PRKX: variants seen among roughly 807,000 people sequenced by gnomAD.
The protein encoded by PRKX is cAMP-dependent protein kinase catalytic subunit PRKX.
PRKX carries 12 observed loss-of-function variants against 22.0 expected under a neutral mutation model. The observed-to-expected ratio is 0.54, with a 90% confidence interval of 0.35 to 0.88. PRKX has a LOEUF of 0.88. Among genes scored for constraint, PRKX ranks in the 40% least tolerant of loss-of-function variants. The pLI is 0.01. For missense variants in PRKX, 217 were observed against 308.0 expected, an observed-to-expected ratio of 0.70 and a Z score of 2.21; for synonymous variants, 134 against 137.7, an observed-to-expected ratio of 0.97 and a Z score of 0.19.
intron 1 of PRKX, among the ~76,000 whole-genome samples, chrX:3,693,709 G>A (rs908592241): frequency 7.3e-5 from 8 of 109,520 alleles, no homozygotes; most frequent in Admixed American, 2.9e-4. Flanking sequence ...AGGCTGAGGC[G>A]GACGGATCAC....
intron 4 of PRKX, among the ~76,000 whole-genome samples, chrX:3,634,786 C>A (rs776305981): frequency 5.4e-5 from 6 of 112,004 alleles, no homozygotes; most frequent in African/African-American, 1.9e-4. Flanking sequence ...GACCTCCCAG[C>A]CTCAGTGATC....
rs1927912944 is a variant in PRKX, at chrX:3,674,683, C to T, written c.250G>A (p.Asp84Asn). 8.3e-7 allele frequency: 1 copy of T among 1,211,195 alleles called. No individual in the cohort carries two copies. The highest frequency in any genetic ancestry group is 3.0e-5 in the East Asian group (1 of 33,835). Reference protein sequence around the residue: ...FFALKVMSIPDVIRLKQEQHV... With the variant: ...FFALKVMSIPNVIRLKQEQHV... ...TGCTCCTGCTTTAGGCGGATGACGT[C>T]GGGAATGCTCATCACCTTGAGGGCG... The change falls in exon 2 of 9, where the codon GAC becomes AAC. Residue 84 changes from aspartate (D) to asparagine (N), a missense_variant. Physicochemically the swap from Asp to Asn is conservative, Grantham distance 23. Coordinates refer to ENST00000262848, the MANE Select transcript of PRKX (RefSeq NM_005044.5).
intron 1 of PRKX, among the ~76,000 whole-genome samples, chrX:3,677,223 G>T (rs1254899440): frequency 9.0e-6 from 1 of 110,709 alleles, no homozygotes; most frequent in Admixed American, 9.7e-5. Context: ...TAACAATACT[G>T]AACTGATAAA....
chrX:3,632,042 A>T (rs1354581285), intron 4 of PRKX, among the ~76,000 whole-genome samples: 1 of 112,009 alleles, frequency 8.9e-6, no homozygotes, highest in Admixed American at 9.5e-5. Context: ...AAGTACAAAA[A>T]TGGAAATCAA....
chrX:3,697,973 C>T (rs1360634280), intron 1 of PRKX, among the ~76,000 whole-genome samples: 1 of 111,738 alleles, frequency 8.9e-6, no homozygotes, highest in Non-Finnish European at 1.9e-5. Flanking sequence ...GGAGCACACA[C>T]AGGTCTACCC....
chrX:3,605,925 G>A lies in PRKX; in HGVS notation c.*3044C>T, dbSNP rs999182239. The A allele has an allele frequency of 9.8e-5, 11 of 112,227 alleles. No homozygotes were observed. The highest frequency in any genetic ancestry group is 3.8e-5 in the Non-Finnish European group (2 of 53,301). 9.2% of individuals were successfully genotyped at this position (112,227 alleles called of 1,213,427 possible). On this transcript the variant is annotated 3_prime_UTR_variant, in exon 9 of 9. Transcript: ENST00000262848. Reference sequence around the variant, plus strand: ...ATATGTTTAGGCTAAGCAGGATTTAGACTTCTGTTGCGAAGGAATTAGAAG... The same window carrying A: ...ATATGTTTAGGCTAAGCAGGATTTAAACTTCTGTTGCGAAGGAATTAGAAG...
At chrX:3,616,244 T>C (rs1355641961) in intron 6 of PRKX, among the ~76,000 whole-genome samples, 1 of 111,590 alleles carries the variant, frequency 9.0e-6, no homozygotes. Flanking sequence ...CTTGGCAAAC[T>C]TACTCAGTAT....
chrX:3,610,412 G>A (rs779928758), intron 8 of PRKX, among the ~76,000 whole-genome samples: 11 of 111,164 alleles, frequency 9.9e-5, no homozygotes, highest in Non-Finnish European at 7.5e-5. Flanking sequence ...AACCCAGGAG[G>A]CGGAGGTTGC....
At chrX:3,649,998 G>A (rs1927284891) in intron 3 of PRKX, among the ~76,000 whole-genome samples, 2 of 109,699 alleles carry the variant, frequency 1.8e-5, no homozygotes, top group Admixed American at 1.9e-4. Flanking sequence ...AAATTAGCCA[G>A]GCAGGGTGTG....
chrX:3,674,383 C>T (rs1443787419), intron 2 of PRKX, among the ~76,000 whole-genome samples: 2 of 111,619 alleles, frequency 1.8e-5, no homozygotes, highest in African/African-American at 6.5e-5. Flanking sequence ...GAACACAGAG[C>T]GTTTCTTTTT....
At position 3,612,191 on chromosome X, in the gene PRKX, C is replaced by T. The variant is rs754664396; in HGVS notation, c.*9G>A. The T allele has an allele frequency of 1.7e-6, 2 of 1,206,792 alleles. No individual in the cohort carries two copies. On this transcript the variant is annotated 3_prime_UTR_variant, in exon 8 of 9. Transcript: ENST00000262848. ...TAAAGATATACCTTCCAGATGTGAGCTCCTGTCCTCAGAAATTCTTGAAGA... is the reference window on the plus strand; with the variant it reads ...TAAAGATATACCTTCCAGATGTGAGTTCCTGTCCTCAGAAATTCTTGAAGA...
At chrX:3,636,303 G>A (rs1363044573) in intron 4 of PRKX, among the ~76,000 whole-genome samples, 3 of 112,629 alleles carry the variant, frequency 2.7e-5, no homozygotes, top group African/African-American at 9.7e-5. Context: ...ACTGCAGGCC[G>A]GCTCCACTTG....
At chrX:3,646,537 A>G (rs1228574338) in intron 3 of PRKX, among the ~76,000 whole-genome samples, 3 of 111,622 alleles carry the variant, frequency 2.7e-5, no homozygotes, top group African/African-American at 6.5e-5. Context: ...TTTTTATCAG[A>G]AAAGTATGAG....
chrX:3,652,516 G>A lies in PRKX; in HGVS notation c.599+2633C>T, dbSNP rs1350553116. Among the ~76,000 whole-genome samples the A allele has an allele frequency of 3.4e-4, 37 of 109,778 alleles. No individual in the cohort carries two copies. In the Admixed American group the frequency reaches 3.5e-3, roughly 10 times the overall value. ...GGAGAATCACTTGAATCTGGGAGGC[G>A]GAGGTTGCAGTGAGCCGAGATTGTG... On this transcript the variant is annotated intron_variant, in intron 3 of 8. Coordinates refer to ENST00000262848, the MANE Select transcript of PRKX (RefSeq NM_005044.5).
intron 2 of PRKX, among the ~76,000 whole-genome samples, chrX:3,655,725 T>C (rs1256916223): frequency 8.9e-6 from 1 of 112,345 alleles, no homozygotes; most frequent in Non-Finnish European, 1.9e-5. Context: ...TGTTACCATA[T>C]GGTATTAAAT....
chrX:3,660,275 G>A (rs1927567989), intron 2 of PRKX, among the ~76,000 whole-genome samples: 1 of 111,791 alleles, frequency 8.9e-6, no homozygotes, highest in Admixed American at 9.6e-5. Context: ...AGGGCGCAAG[G>A]TGGAAGGAAA....
At chrX:3,701,836 G>T (rs112439855) in intron 1 of PRKX, among the ~76,000 whole-genome samples, 1 of 111,528 alleles carries the variant, frequency 9.0e-6, no homozygotes, top group Admixed American at 9.5e-5. Flanking sequence ...TCCCATCAGC[G>T]CCATGACAGT....
chrX:3,690,940 C>T (rs770186148), intron 1 of PRKX, among the ~76,000 whole-genome samples: 1 of 112,139 alleles, frequency 8.9e-6, no homozygotes, highest in South Asian at 3.7e-4. Flanking sequence ...GGTTTTCACA[C>T]ATCTACAATA....
intron 4 of PRKX, among the ~76,000 whole-genome samples, chrX:3,635,746 C>G (rs1375031251): frequency 9.0e-6 from 1 of 111,533 alleles, no homozygotes; most frequent in Non-Finnish European, 1.9e-5. Flanking sequence ...TACAACCACA[C>G]CCAGCTAGTT....
Sources: gnomAD v4.1 joint callset for allele counts (sites outside exome capture counted in the v4.1 genomes callset) on GRCh38, gnomAD v4.1.1 for gene constraint, MANE v1.5 for transcripts, NCBI Gene and HGNC (gene_info 2026-07-23, HGNC 2026-07-21) for gene names.